The following SH3BP4 variants were observed in gnomAD, a reference collection of about 807,000 sequenced individuals.
The protein encoded by SH3BP4 is SH3 domain binding protein 4.
Under a neutral mutation model 65.5 loss-of-function variants are expected in SH3BP4, and 33 were observed. That is an observed-to-expected ratio of 0.50 (90% CI 0.38 to 0.67). The LOEUF is 0.67. Ranked by LOEUF, SH3BP4 falls within the 30% of genes least tolerant of loss-of-function variation. The pLI is 0.00. For synonymous variants in SH3BP4, 552 were observed against 545.5 expected (o/e 1.01, Z -0.17); for missense variants, 1,134 against 1,261.4 (o/e 0.90, Z 1.53).
intron 4 of SH3BP4, among the ~76,000 whole-genome samples, chr2:235,050,912 C>T (rs190550131): frequency 6.6e-6 from 1 of 152,138 alleles, no homozygotes; most frequent in African/African-American, 2.4e-5. Flanking sequence ...TGAAACAGAG[C>T]GTAGAGAGAA....
chr2:234,989,084 T>C (rs1693672485), intron 1 of SH3BP4, among the ~76,000 whole-genome samples: 1 of 152,182 alleles, frequency 6.6e-6, no homozygotes, highest in South Asian at 2.1e-4. Context: ...TATCAGAGTG[T>C]CGCTTTCTCA....
intron 1 of SH3BP4, among the ~76,000 whole-genome samples, chr2:234,958,695 T>G (rs1574770948): frequency 7.0e-5 from 10 of 142,950 alleles, no homozygotes; most frequent in East Asian, 2.2e-4. Context: ...AAGATGGGGG[T>G]AGGGGGAGAG....
At chr2:235,002,393 G>A (rs768422273) in intron 2 of SH3BP4, among the ~76,000 whole-genome samples, 1 of 152,108 alleles carries the variant, frequency 6.6e-6, no homozygotes, top group Admixed American at 6.6e-5. Context: ...TAGCAGCCTC[G>A]TTTTACAGAT....
In SH3BP4 at chr2:235,042,129, G is replaced by A. The variant is rs778737481; in HGVS notation, c.1360G>A (p.Val454Met). ...NLEPCMYVAV[V>M]AHGPSILYPS... The stretch of plus-strand genomic sequence containing the variant: ...GGAGCCCTGTATGTACGTGGCTGTC[G>A]TGGCCCATGGCCCAAGCATCCTCTA... The change falls in exon 4 of 6, where the codon GTG (valine) becomes ATG (methionine). Residue 454 changes from valine to methionine, a missense_variant. By Grantham distance (21) the Val-to-Met change is conservative (BLOSUM62 1). Coordinates refer to ENST00000392011, the MANE Select transcript of SH3BP4 (RefSeq NM_014521.3). This position sits in a 1 kb window ranked among gnomAD's most constrained non-coding sequence, Gnocchi z 7.3. 1.6e-5 allele frequency: 26 copies of A among 1,613,808 alleles called. No homozygotes were observed. The highest frequency in any genetic ancestry group is 1.7e-5 in the Non-Finnish European group (20 of 1,180,018).
rs548536662 is a variant in SH3BP4, at chr2:235,021,132, G to T, written c.-132-13739G>T. ...GTCCCTTTACAGGAAAAGTTTGGCC[G>T]TCTCTGCCCTACACTGCTCTGGGAC... is the stretch of plus-strand genomic sequence containing the variant. On this transcript the variant is annotated intron_variant, in intron 2 of 5. Transcript: ENST00000392011. Among the ~76,000 whole-genome samples the T allele has an allele frequency of 2.6e-5, 4 of 152,180 alleles. No homozygotes were observed. The South Asian group carries it at 8.3e-4, about 32-fold the overall frequency.
intron 3 of SH3BP4, among the ~76,000 whole-genome samples, chr2:235,036,578 A>G (rs1406077655): frequency 6.6e-6 from 1 of 151,682 alleles, no homozygotes; most frequent in East Asian, 1.9e-4. Context: ...ACATGGTGAA[A>G]CCCCGTCTCT....
intron 1 of SH3BP4, among the ~76,000 whole-genome samples, chr2:234,964,383 A>C (rs1277553900): frequency 6.6e-6 from 1 of 151,840 alleles, no homozygotes; most frequent in East Asian, 1.9e-4. Context: ...TAATTCCTTG[A>C]CTCACTGCTG....
At chr2:234,986,931 C>T (rs1693579153) in intron 1 of SH3BP4, among the ~76,000 whole-genome samples, 1 of 151,896 alleles carries the variant, frequency 6.6e-6, no homozygotes, top group South Asian at 2.1e-4. Context: ...TGCCTCCATG[C>T]CCGGCTAATT....
rs1000930686 is a variant in SH3BP4 at position 235,043,231 on chromosome 2, A to G, written c.2462A>G (p.Gln821Arg). The change falls in exon 4 of 6, where the codon CAG becomes CGG. Residue 821 changes from glutamine (Q) to arginine (R), a missense_variant. Coordinates refer to ENST00000392011, the MANE Select transcript of SH3BP4 (RefSeq NM_014521.3). ...NTENKERKSF[Q>R]KELVMALLKM... is the part of the protein sequence containing the mutation. The stretch of plus-strand genomic sequence containing the variant: ...GAGAACAAAGAACGGAAGTCCTTCC[A>G]GAAGGAGCTTGTGATGGTGAGTGCT... 5.7e-6 allele frequency: 9 copies of G among 1,574,876 alleles called. No homozygotes were observed. Among genetic ancestry groups the G allele is most frequent in the Non-Finnish European group, 7.8e-6 (9 of 1,156,556 alleles).
In SH3BP4 at chr2:234,992,547, A is replaced by G. The variant is rs1044172842; in HGVS notation, c.-206-2756A>G. Among the ~76,000 whole-genome samples the G allele has an allele frequency of 2.0e-5, 3 of 151,676 alleles. No homozygotes were observed. In the East Asian group the frequency reaches 5.8e-4, roughly 30 times the overall value. ...GGCTCTAGGTCTGGAGCCCCTGGAG[A>G]TGGACACGTTCCTGCTGCGTGTCTC... On this transcript the variant is annotated intron_variant, in intron 1 of 5. Transcript: ENST00000392011.
At chr2:234,973,658 T>C (rs1693066685) in intron 1 of SH3BP4, among the ~76,000 whole-genome samples, 1 of 152,050 alleles carries the variant, frequency 6.6e-6, no homozygotes, top group Non-Finnish European at 1.5e-5. Context: ...CCTGGATTTT[T>C]TTTTTTTTTT....
intron 1 of SH3BP4, among the ~76,000 whole-genome samples, chr2:234,971,280 C>T (rs1365760957): frequency 6.6e-6 from 1 of 152,218 alleles, no homozygotes; most frequent in South Asian, 2.1e-4. Context: ...TGGCATATTT[C>T]ACTTAGCATA....
At chr2:234,956,122 T>C (rs76962223) in intron 1 of SH3BP4, among the ~76,000 whole-genome samples, 14,786 of 152,264 alleles carry the variant, frequency 0.097, 832 homozygotes, top group Non-Finnish European at 0.13. Flanking sequence ...TGACGCTTTC[T>C]CAGCCTAAAT....
chr2:234,996,906 C>T (rs1693938890), intron 2 of SH3BP4, among the ~76,000 whole-genome samples: 1 of 152,048 alleles, frequency 6.6e-6, no homozygotes, highest in Non-Finnish European at 1.5e-5. Flanking sequence ...CGGGCTCCAG[C>T]AGTTCCTTGG....
chr2:235,045,543 G>T lies in SH3BP4; in HGVS notation c.2478+2296G>T, dbSNP rs1448479313. ...AAGGAGGAAGTGAAACTTGCCCTTG[G>T]CCAGGTCGGCTCCCTGAGGCAAGGT... is the stretch of plus-strand genomic sequence containing the variant. On this transcript the variant is annotated intron_variant, in intron 4 of 5. Transcript: ENST00000392011. The surrounding 1 kb of genome is among the most constrained non-coding windows in gnomAD (Gnocchi z 4.3). Among the ~76,000 whole-genome samples, 2 of 152,048 alleles carry T rather than the reference G, an allele frequency of 1.3e-5. No individual in the cohort carries two copies. The highest frequency in any genetic ancestry group is 2.9e-5 in the Non-Finnish European group (2 of 68,012).
rs373482092 is a variant in SH3BP4 at position 235,042,437 on chromosome 2, C to G, written c.1668C>G (p.Ala556=). The change falls in exon 4 of 6, where the codon GCC becomes GCG. Residue 556 remains alanine, a synonymous_variant. Coordinates refer to ENST00000392011, the MANE Select transcript of SH3BP4 (RefSeq NM_014521.3). This position sits in a 1 kb window ranked among gnomAD's most constrained non-coding sequence, Gnocchi z 7.3. The part of the protein sequence containing the change: ...TNYEVKASEQ[A]KVVRGFQLKL... ...ACGAGGTCAAAGCCAGCGAGCAGGC[C>G]AAAGTGGTGCGAGGATTCCAGCTGA... The G allele has an allele frequency of 1.2e-6, 2 of 1,614,032 alleles. No individual in the cohort carries two copies. Among genetic ancestry groups the G allele is most frequent in the African/African-American group, 2.7e-5 (2 of 74,908 alleles).
At chr2:234,992,800 G>A (rs927068832) in intron 1 of SH3BP4, among the ~76,000 whole-genome samples, 7 of 145,994 alleles carry the variant, frequency 4.8e-5, no homozygotes, top group Non-Finnish European at 1.0e-4. Context: ...CATTCCTGCC[G>A]TGTGGCTCTG....
Position 234,980,970 on chromosome 2 carries a change from CA to C in SH3BP4, c.-206-14331del, listed in dbSNP as rs560656888. Among the ~76,000 whole-genome samples the C allele has an allele frequency of 2.6e-5, 4 of 152,308 alleles. No individual in the cohort carries two copies. In the East Asian group the frequency reaches 7.7e-4, roughly 29 times the overall value. On this transcript the variant is annotated intron_variant, in intron 1 of 5. Coordinates refer to ENST00000392011, the MANE Select transcript of SH3BP4 (RefSeq NM_014521.3). ...AGTGGCGCACAAGCTCTGCCCACTG[CA>C]ACCTCCGCCTCCTGGGTAGCTGGGA... is the stretch of plus-strand genomic sequence containing the variant.
intron 2 of SH3BP4, among the ~76,000 whole-genome samples, chr2:235,001,397 G>A (rs1230657233): frequency 1.3e-5 from 2 of 152,284 alleles, no homozygotes; most frequent in East Asian, 1.9e-4. Context: ...CAAGCCTATC[G>A]CACTTGGAGA....
Sources: gnomAD v4.1 joint callset for allele counts (sites outside exome capture counted in the v4.1 genomes callset) on GRCh38, gnomAD v4.1.1 for gene constraint, Gnocchi (gnomAD v3.1) non-coding constraint, MANE v1.5 for transcripts, NCBI Gene and HGNC (gene_info 2026-07-23, HGNC 2026-07-21) for gene names.